CCNY: variants seen among roughly 807,000 people sequenced by gnomAD.
The protein encoded by CCNY is cyclin Y.
A neutral mutation model predicts 42.8 loss-of-function variants in CCNY; 19 were observed. The observed-to-expected ratio is 0.44, with a 90% CI of 0.31 to 0.65. CCNY has a LOEUF of 0.65. CCNY is among the 30% of genes least tolerant of loss of function. The pLI, the probability that CCNY is intolerant of heterozygous loss-of-function variation, is 0.07. For synonymous variants in CCNY, 165 were observed against 162.7 expected (o/e 1.01, Z -0.11); for missense variants, 370 against 437.3 (o/e 0.85, Z 1.37).
rs1456740241 is a variant in CCNY, at chr10:35,556,969, T to C, written c.746+3784T>C. On this transcript the variant is annotated intron_variant, in intron 8 of 9. Coordinates refer to ENST00000374704, the MANE Select transcript of CCNY (RefSeq NM_145012.6). ...AAGCAATTCTCCTGCCTCAGCCTCCTGAGTAGCTGGGATTACAGGCGCCCG... is the reference window on the plus strand; with the variant it reads ...AAGCAATTCTCCTGCCTCAGCCTCCCGAGTAGCTGGGATTACAGGCGCCCG... Among the ~76,000 whole-genome samples, 5 of 152,008 alleles carry C rather than the reference T, an allele frequency of 3.3e-5. No homozygotes were observed. In the East Asian group the frequency reaches 7.7e-4, roughly 24 times the overall value.
At chr10:35,481,318 A>G (rs367602309) in intron 1 of CCNY, among the ~76,000 whole-genome samples, 3 of 152,222 alleles carry the variant, frequency 2.0e-5, no homozygotes, top group African/African-American at 7.2e-5. Context: ...TTGTGAACAT[A>G]ACAGCATAGA....
intron 1 of CCNY, among the ~76,000 whole-genome samples, chr10:35,425,941 T>C (rs911832063): frequency 2.0e-5 from 3 of 152,148 alleles, no homozygotes; most frequent in Admixed American, 2.0e-4. Context: ...TCCATCTTTA[T>C]GCTGCTCAGA....
intron 7 of CCNY, among the ~76,000 whole-genome samples, chr10:35,535,894 CA>C (rs745656213): frequency 4.3e-4 from 66 of 152,282 alleles, no homozygotes; most frequent in Non-Finnish European, 3.5e-4. Context: ...ACCAACCTTC[CA>C]CAGATGCTGA....
At chr10:35,496,860 C>CTT (rs1318619879) in intron 2 of CCNY, among the ~76,000 whole-genome samples, 2 of 152,160 alleles carry the variant, frequency 1.3e-5, no homozygotes, top group Admixed American at 1.3e-4. Flanking sequence ...CCCATAGCAA[C>CTT]TTAAGTGTAA....
intron 1 of CCNY, among the ~76,000 whole-genome samples, chr10:35,354,447 A>G (rs1406341126): frequency 6.6e-6 from 1 of 152,122 alleles, no homozygotes; most frequent in East Asian, 1.9e-4. Flanking sequence ...GGCGTCCCAA[A>G]GTGCTGGGAT....
chr10:35,508,137 ATT>A (rs1199213180), intron 3 of CCNY, among the ~76,000 whole-genome samples: 5 of 152,052 alleles, frequency 3.3e-5, no homozygotes, highest in Non-Finnish European at 7.4e-5. Context: ...ATCAATCTTT[ATT>A]ATTTTTGGTT....
chr10:35,261,208 T>C lies in CCNY; in HGVS notation c.-9+10582T>C, dbSNP rs1427521693. On this transcript the variant is annotated intron_variant, in intron 3 of 11. Transcript: ENST00000374706. ...CAGTTTGAGACCAGCCTGGACAACA[T>C]AGCAAGACCCTGTCTCTAAAAAAAA... Among the ~76,000 whole-genome samples, 3 of 147,412 alleles carry C rather than the reference T, an allele frequency of 2.0e-5. No homozygotes were observed. In the East Asian group the frequency reaches 6.1e-4, roughly 30 times the overall value.
chr10:35,531,074 A>T (rs1036675065), intron 7 of CCNY, among the ~76,000 whole-genome samples: 1 of 152,238 alleles, frequency 6.6e-6, no homozygotes, highest in African/African-American at 2.4e-5. Context: ...GTCTCAAAAG[A>T]AAAAGTATTC....
intron 1 of CCNY, among the ~76,000 whole-genome samples, chr10:35,449,188 T>C (rs967176293): frequency 6.6e-6 from 1 of 150,762 alleles, no homozygotes; most frequent in Non-Finnish European, 1.5e-5. Flanking sequence ...TTCATTACAG[T>C]CTTGTGGCTG....
chr10:35,471,153 A>G (rs1294649268), intron 1 of CCNY, among the ~76,000 whole-genome samples: 1 of 152,082 alleles, frequency 6.6e-6, no homozygotes, highest in African/African-American at 2.4e-5. Context: ...GGCTCTGCTC[A>G]CTGACACTGT....
chr10:35,514,075 C>CA (rs11451104), intron 3 of CCNY, among the ~76,000 whole-genome samples: 20,935 of 75,828 alleles, frequency 0.28, 3,284 homozygotes, highest in South Asian at 0.32. Context: ...AGGACCAGTT[C>CA]AAAAAAAAAA....
Position 35,516,524 on chromosome 10 carries a change from A to T in CCNY, c.266A>T (p.His89Leu). 1.2e-6 allele frequency: 2 copies of T among 1,610,960 alleles called. No individual in the cohort carries two copies. The highest frequency in any genetic ancestry group is 2.2e-5 in the East Asian group (1 of 44,830). The change falls in exon 4 of 10, where the codon CAT becomes CTT. Residue 89 changes from histidine to leucine, a missense_variant and splice_region_variant. Physicochemically the swap from His to Leu is moderately conservative, Grantham distance 99 (BLOSUM62 -3). Around this residue, in one of 2 missense-constraint regions of CCNY, gnomAD observed 136 missense variants for 124.2 expected, o/e 1.09. Coordinates refer to ENST00000374704, the MANE Select transcript of CCNY (RefSeq NM_145012.6). ...EKRKSLFINHHPPGQIARKYS... is the reference protein window; with the variant it reads ...EKRKSLFINHLPPGQIARKYS... ...AATCTTCTTGCTGTTGTTTTCTAGC[A>T]TCCTCCAGGACAAATAGCAAGGAAA...
chr10:35,569,491 G>C lies in CCNY; in HGVS notation c.*321G>C, dbSNP rs1031670115. The C allele has an allele frequency of 5.4e-6, 2 of 367,032 alleles. No individual in the cohort carries two copies. The highest frequency in any genetic ancestry group is 1.0e-5 in the Non-Finnish European group (2 of 194,520). 22.7% of individuals were successfully genotyped at this position (367,032 alleles called of 1,614,324 possible). A position where few individuals can be genotyped will look rare whatever the true frequency, so the allele number is the denominator to read the frequency against. On this transcript the variant is annotated 3_prime_UTR_variant, in exon 10 of 10. Transcript: ENST00000374704. The stretch of plus-strand genomic sequence containing the variant: ...AATGGTTAAGCAGCCCGGCCCTCTG[G>C]AGTCCCCATGGGGGCGGTAGCTGAA...
chr10:35,333,957 C>G (rs772108098), upstream of CCNY, among the ~76,000 whole-genome samples: 1 of 148,330 alleles, frequency 6.7e-6, no homozygotes, highest in Non-Finnish European at 1.5e-5. Flanking sequence ...GATTCTTGAC[C>G]AAAAGTTACA....
intron 1 of CCNY, among the ~76,000 whole-genome samples, chr10:35,350,652 G>C (rs1005905092): frequency 5.3e-5 from 8 of 152,260 alleles, no homozygotes; most frequent in Admixed American, 5.2e-4. Flanking sequence ...ATCCTTAGTG[G>C]AAAACTTTGA....
intron 1 of CCNY, among the ~76,000 whole-genome samples, chr10:35,360,288 C>CTTTTT (rs5784449): frequency 5.0e-5 from 5 of 99,878 alleles, no homozygotes; most frequent in Admixed American, 1.0e-4. Context: ...CTTTTCTTTT[C>CTTTTT]TTTTTTTTTT....
chr10:35,394,866 CCTT>C (rs1432396625), intron 1 of CCNY: 4 of 984,646 alleles, frequency 4.1e-6, no homozygotes, highest in East Asian at 1.1e-4. Flanking sequence ...CGGGCCCTCT[CCTT>C]CTGAATACTG....
At chr10:35,417,511 T>C (rs1250976049) in intron 1 of CCNY, among the ~76,000 whole-genome samples, 1 of 152,212 alleles carries the variant, frequency 6.6e-6, no homozygotes, top group African/African-American at 2.4e-5. Context: ...ATGGTCAGTT[T>C]TAGCTAAAAT....
At chr10:35,272,081 G>C (rs911023840) in intron 3 of CCNY, among the ~76,000 whole-genome samples, 3 of 152,146 alleles carry the variant, frequency 2.0e-5, no homozygotes, top group South Asian at 4.1e-4. Flanking sequence ...CCGCCTGCCA[G>C]GTTCAAGTGA....
Sources: allele counts gnomAD v4.1 joint callset (sites outside exome capture counted in the v4.1 genomes callset), GRCh38; gene constraint gnomAD v4.1.1; regional missense constraint gnomAD v4.1.1; transcripts MANE v1.5; gene names NCBI Gene and HGNC (gene_info 2026-07-23, HGNC 2026-07-21).